NMI: variants seen among roughly 807,000 people sequenced by gnomAD.
NMI encodes N-myc and STAT interactor, also known as N-myc-interactor.
In NMI, 39 loss-of-function variants were observed where a neutral mutation model predicts 34.3. The ratio of observed to expected loss-of-function variants is 1.14; its 90% CI spans 0.88 to 1.49. The LOEUF is 1.49. NMI is among the 40% of genes most tolerant of loss of function. The pLI, the probability that NMI is intolerant of heterozygous loss-of-function variation, is 0.00. For missense variants in NMI, 339 were observed against 358.1 expected, an observed-to-expected ratio of 0.95 and a Z score of 0.43; for synonymous variants, 113 against 120.3, an observed-to-expected ratio of 0.94 and a Z score of 0.40.
Position 151,275,885 on chromosome 2 carries a change from G to T in NMI, c.341-21C>A, listed in dbSNP as rs185527698. ...AGCAACTGAAAAATAATTCAGGAAG[G>T]AAGTATTAATTTCCAATATTTTAAG... is the stretch of plus-strand genomic sequence containing the variant. On this transcript the variant is annotated intron_variant, in intron 4 of 7. Coordinates refer to ENST00000243346, the MANE Select transcript of NMI (RefSeq NM_004688.3). 2.3e-5 allele frequency: 32 copies of T among 1,398,020 alleles called. No individual in the cohort carries two copies. In the African/African-American group the frequency reaches 4.3e-4, roughly 19 times the overall value. The allele number at this position is 1,398,020 out of a possible 1,614,324, so 86.6% of individuals were successfully genotyped here.
At chr2:151,283,464 A>G (rs1014011197) in intron 1 of NMI, among the ~76,000 whole-genome samples, 2 of 152,170 alleles carry the variant, frequency 1.3e-5, no homozygotes, top group African/African-American at 2.4e-5. Context: ...TTTCACACCT[A>G]TAATATATAA....
chr2:151,282,838 T>C (rs759483762), intron 2 of NMI, 30 bp downstream of exon 2: 1 of 1,138,082 alleles, frequency 8.8e-7, no homozygotes, highest in Admixed American at 2.5e-5. Flanking sequence ...TAAAATAATT[T>C]TTAATAATAC....
intron 1 of NMI, among the ~76,000 whole-genome samples, chr2:151,287,682 C>T (rs908713109): frequency 6.6e-6 from 1 of 152,054 alleles, no homozygotes; most frequent in African/African-American, 2.4e-5. Flanking sequence ...ATCTCCTTTG[C>T]GGCGCTTTAA....
At position 151,275,984 on chromosome 2, in the gene NMI, T is replaced by G. The variant is rs1051119742; in HGVS notation, c.341-120A>C. 14 of 690,818 alleles carry G rather than the reference T, an allele frequency of 2.0e-5. No individual in the cohort carries two copies. The African/African-American group carries it at 2.4e-4, about 12-fold the overall frequency. The allele number at this position is 690,818 out of a possible 1,614,324, so 42.8% of individuals were successfully genotyped here. A position where few individuals can be genotyped will look rare whatever the true frequency, so the allele number is the denominator to read the frequency against. On this transcript the variant is annotated intron_variant, in intron 4 of 7. Coordinates refer to ENST00000243346, the MANE Select transcript of NMI (RefSeq NM_004688.3). ...TTTTCTTTAATATTAAAGGGTCTAA[T>G]TTTAAAAATTTGGCGGGCGGTGATT...
intron 1 of NMI, among the ~76,000 whole-genome samples, chr2:151,286,895 T>C (rs1293298627): frequency 6.6e-6 from 1 of 152,174 alleles, no homozygotes; most frequent in Non-Finnish European, 1.5e-5. Context: ...ACTATGTGAT[T>C]TTTTTCCCCT....
In NMI at chr2:151,285,347, T is replaced by C. The variant is rs1319218881; in HGVS notation, c.-6-2393A>G. Among the ~76,000 whole-genome samples, 11 of 149,390 alleles carry C rather than the reference T, an allele frequency of 7.4e-5. No homozygotes were observed. In the Admixed American group the frequency reaches 7.5e-4, roughly 10 times the overall value. On this transcript the variant is annotated intron_variant, in intron 1 of 7. Transcript: ENST00000243346. ...GTAATCCTGCAGCTGTGGTTTCTGA[T>C]TGATGATTGAGATAGATAGATAGAT... is the stretch of plus-strand genomic sequence containing the variant.
rs1683280476 is a variant in NMI, at chr2:151,275,642, ATT to A, written c.474_475del (p.Lys158AsnfsTer5). 2.5e-6 allele frequency: 4 copies of A among 1,614,002 alleles called. No homozygotes were observed. The highest frequency in any genetic ancestry group is 3.3e-5 in the Admixed American group (2 of 59,988). ...TGTGTCAGGAATTTCAGTAACATTGATTTTCATTTTAGAAACTTCTACATAAA... is the reference window on the plus strand; with the variant it reads ...TGTGTCAGGAATTTCAGTAACATTGATTCATTTTAGAAACTTCTACATAAA... On this transcript the variant is annotated frameshift_variant, in exon 6 of 8. Transcript: ENST00000243346. LOFTEE classifies it high-confidence loss of function.
At position 151,271,703 on chromosome 2, in the gene NMI, ATTCT is replaced by A; in HGVS notation, c.660_663del (p.Lys220AsnfsTer6). ...CAGGTTTGATTTATATAAAGAGGGT[ATTCT>A]TTCTTTTTCAAAATCTTGTCAGCCA... On this transcript the variant is annotated frameshift_variant, in exon 7 of 8. Transcript: ENST00000243346. LOFTEE classifies it high-confidence loss of function. The A allele has an allele frequency of 6.4e-7, 1 of 1,572,090 alleles. No homozygotes were observed. The highest frequency in any genetic ancestry group is 2.2e-5 in the East Asian group (1 of 44,530).
intron 6 of NMI, among the ~76,000 whole-genome samples, chr2:151,273,531 C>G (rs387297): frequency 0.62 from 93,546 of 152,008 alleles, 28,938 homozygotes; most frequent in Admixed American, 0.69. Context: ...TATTTTATTT[C>G]GGTTTTTTTG....
intron 1 of NMI, among the ~76,000 whole-genome samples, 158 bp from the exon 2 acceptor site, chr2:151,283,112 CCAAA>C (rs1429032030): frequency 1.3e-5 from 2 of 151,934 alleles, no homozygotes; most frequent in African/African-American, 2.4e-5. Flanking sequence ...TGGCTTATAT[CCAAA>C]CAAAGTCTGT....
intron 6 of NMI, among the ~76,000 whole-genome samples, chr2:151,272,246 C>T (rs394884): frequency 0.26 from 39,589 of 152,086 alleles, 7,712 homozygotes; most frequent in African/African-American, 0.56. Context: ...TTTTCTACAA[C>T]ACAAAGAATA....
Position 151,275,560 on chromosome 2 carries a change from A to G in NMI, c.558T>C (p.Asn186=). Residue 186 remains asparagine, a synonymous_variant, in exon 6 of 8, where the codon AAT becomes AAC. Transcript: ENST00000243346. ...CCACGCGGTCCACCTCTCCGCCTCCATTTCGGGACTTTGAAAAGCTCAGCT... is the reference window on the plus strand; with the variant it reads ...CCACGCGGTCCACCTCTCCGCCTCCGTTTCGGGACTTTGAAAAGCTCAGCT... ...KLELSFSKSR[N]GGGEVDRVDY... 1 of 1,614,102 alleles carries G rather than the reference A, an allele frequency of 6.2e-7. No homozygotes were observed. Among genetic ancestry groups the G allele is most frequent in the Non-Finnish European group, 8.5e-7 (1 of 1,180,000 alleles).
intron 3 of NMI, among the ~76,000 whole-genome samples, chr2:151,280,611 T>C (rs1235997686): frequency 6.6e-6 from 1 of 152,212 alleles, no homozygotes; most frequent in African/African-American, 2.4e-5. Context: ...GCAAATTTAC[T>C]TAAGCTCTCT....
chr2:151,279,372 T>G (rs1173860087), intron 3 of NMI, among the ~76,000 whole-genome samples: 5 of 152,340 alleles, frequency 3.3e-5, no homozygotes, highest in South Asian at 4.1e-4. Context: ...GATAGTATGT[T>G]TAATTTTGCT....
At chr2:151,272,257 G>C (rs1249886678) in intron 6 of NMI, among the ~76,000 whole-genome samples, 1 of 152,160 alleles carries the variant, frequency 6.6e-6, no homozygotes, top group African/African-American at 2.4e-5. Context: ...ACAAAGAATA[G>C]TCTATTTTTT....
intron 1 of NMI, among the ~76,000 whole-genome samples, chr2:151,286,422 A>G (rs1683497818): frequency 6.6e-6 from 1 of 152,328 alleles, no homozygotes; most frequent in Non-Finnish European, 1.5e-5. Flanking sequence ...ATGATCCTCA[A>G]CTGGATCCTT....
chr2:151,285,258 T>G (rs1326139360), intron 1 of NMI, among the ~76,000 whole-genome samples: 2 of 152,122 alleles, frequency 1.3e-5, no homozygotes, highest in African/African-American at 4.8e-5. Context: ...TCAGAGAAGA[T>G]AATTATAAAT....
Position 151,270,596 on chromosome 2 carries a change from T to C in NMI, c.*97A>G. ...CTAAACATAAATGGATGGTAAAAAT[T>C]AAAGTTTTCATTTTTTAAGGAAAAG... is the stretch of plus-strand genomic sequence containing the variant. On this transcript the variant is annotated 3_prime_UTR_variant, in exon 8 of 8. Coordinates refer to ENST00000243346, the MANE Select transcript of NMI (RefSeq NM_004688.3). 5 of 977,786 alleles carry C rather than the reference T, an allele frequency of 5.1e-6. No homozygotes were observed. Among genetic ancestry groups the C allele is most frequent in the Non-Finnish European group, 7.5e-6 (5 of 662,398 alleles). 60.6% of individuals were successfully genotyped at this position (977,786 alleles called of 1,614,324 possible). A position where few individuals can be genotyped will look rare whatever the true frequency, so the allele number is the denominator to read the frequency against.
rs201716225 is a variant in NMI, at chr2:151,275,830, A to G, written c.375T>C (p.His125=). 3.1e-6 allele frequency: 5 copies of G among 1,610,900 alleles called. No individual in the cohort carries two copies. The highest frequency in any genetic ancestry group is 2.2e-5 in the South Asian group (2 of 90,132). Residue 125 remains histidine (H), a synonymous_variant, in exon 5 of 8, where the codon CAT becomes CAC. Transcript: ENST00000243346. ...CCAGATTTACATCTTTTATCTGTAC[A>G]TGATGTTTACTCATGCTTACCACAT... ...AQNVVSMSKH[H]VQIKDVNLEV...
Sources: gnomAD v4.1 joint callset for allele counts (sites outside exome capture counted in the v4.1 genomes callset) on GRCh38, gnomAD v4.1.1 for gene constraint, MANE v1.5 for transcripts, NCBI Gene and HGNC (gene_info 2026-07-23, HGNC 2026-07-21) for gene names.